Variants in PCDH15 observed in about 807,000 individuals in gnomAD.
PCDH15 encodes the protein protocadherin related 15.
PCDH15 carries 129 observed loss-of-function variants against 178.5 expected under a neutral mutation model. The observed-to-expected ratio is 0.72, with a 90% CI of 0.63 to 0.84. The LOEUF (loss-of-function observed/expected upper bound fraction) is 0.84, where lower values mean the gene tolerates loss of function less well. Ranked by LOEUF, PCDH15 falls within the 40% of genes least tolerant of loss-of-function variation. PCDH15 has a pLI of 0.00. For missense variants in PCDH15, 2,230 were observed against 2,099.9 expected, an observed-to-expected ratio of 1.06 and a Z score of -1.21; for synonymous variants, 800 against 732.0, an observed-to-expected ratio of 1.09 and a Z score of -1.50.
chr10:55,317,543 T>C (rs1843757577), intron 1 of PCDH15, among the ~76,000 whole-genome samples: 3 of 152,054 alleles, frequency 2.0e-5, no homozygotes, highest in African/African-American at 4.8e-5. Flanking sequence ...AATGAACTTA[T>C]TAAGAGTTTT....
chr10:54,453,322 G>T (rs12248040), intron 3 of PCDH15, among the ~76,000 whole-genome samples: 4,054 of 152,214 alleles, frequency 0.027, 181 homozygotes, highest in African/African-American at 0.093. Context: ...ATACTATGCA[G>T]CCATAAAAAT....
rs577730818 is a variant in PCDH15, at chr10:53,973,087, T to C, written c.2869-11195A>G. On this transcript the variant is annotated intron_variant, in intron 21 of 37. Transcript: ENST00000644397. The stretch of plus-strand genomic sequence containing the variant: ...CCGGATTAAGAAAATGTGGCACATA[T>C]ACACCATGGAATACTCTGCAGCCAT... Among the ~76,000 whole-genome samples the C allele has an allele frequency of 3.5e-3, 533 of 152,138 alleles. 1 individual carries two copies. Among genetic ancestry groups the C allele is most frequent in the African/African-American group, 0.012 (517 of 41,524 alleles).
chr10:54,895,822 T>C (rs909430683), intron 3 of PCDH15, among the ~76,000 whole-genome samples: 1 of 152,160 alleles, frequency 6.6e-6, no homozygotes, highest in African/African-American at 2.4e-5. Flanking sequence ...CACGTTAGTC[T>C]ACTTTTCTTT....
At chr10:54,296,366 G>A (rs2059790211) in intron 8 of PCDH15, among the ~76,000 whole-genome samples, 1 of 151,860 alleles carries the variant, frequency 6.6e-6, no homozygotes, top group Non-Finnish European at 1.5e-5. Flanking sequence ...ACAACAAGTT[G>A]GTTGACCCTG....
At chr10:54,026,175 C>A (rs1314437967) in intron 18 of PCDH15, among the ~76,000 whole-genome samples, 1 of 151,380 alleles carries the variant, frequency 6.6e-6, no homozygotes, top group Admixed American at 6.6e-5. Context: ...CTCAAGCAAT[C>A]CTCCCACCTC....
intron 2 of PCDH15, among the ~76,000 whole-genome samples, chr10:55,339,682 A>T (rs1270788559): frequency 3.9e-5 from 6 of 152,146 alleles, no homozygotes; most frequent in Admixed American, 3.9e-4. Context: ...AAGCCATCTT[A>T]CAGAGGGACT....
rs373365331 is a variant in PCDH15, at chr10:53,959,729, T to C, written c.3122+3A>G. ...TATTTCAAAATCGGACAGAAATCAATACCTATATTCCTCCTGTGTGAAGCG... is the reference window on the plus strand; with the variant it reads ...TATTTCAAAATCGGACAGAAATCAACACCTATATTCCTCCTGTGTGAAGCG... On this transcript the variant is annotated splice_donor_region_variant and intron_variant, in intron 23 of 37. Coordinates refer to ENST00000644397, the MANE Select transcript of PCDH15 (RefSeq NM_001384140.1). 70 of 1,602,708 alleles carry C rather than the reference T, an allele frequency of 4.4e-5. No individual in the cohort carries two copies. Among genetic ancestry groups the C allele is most frequent in the Non-Finnish European group, 5.4e-5 (63 of 1,169,808 alleles).
At position 54,232,269 on chromosome 10, in the gene PCDH15, C is replaced by T. The variant is rs369684539; in HGVS notation, c.985+4554G>A. Among the ~76,000 whole-genome samples the T allele has an allele frequency of 3.3e-5, 5 of 152,162 alleles. No individual in the cohort carries two copies. The East Asian group carries it at 7.7e-4, about 24-fold the overall frequency. ...TTAAAAGTGTGTAGTACCACCCCTTCTCTCTCCTGCTCTGGCCACGTAAGA... is the reference window on the plus strand; with the variant it reads ...TTAAAAGTGTGTAGTACCACCCCTTTTCTCTCCTGCTCTGGCCACGTAAGA... On this transcript the variant is annotated intron_variant, in intron 9 of 37. Transcript: ENST00000644397.
At chr10:53,993,667 A>G (rs2091668465) in intron 21 of PCDH15, among the ~76,000 whole-genome samples, 1 of 152,208 alleles carries the variant, frequency 6.6e-6, no homozygotes, top group South Asian at 2.1e-4. Flanking sequence ...AAAAAAAAGT[A>G]ATTATGTAAT....
At chr10:54,702,823 T>A (rs1469310999) in intron 1 of PCDH15, among the ~76,000 whole-genome samples, 1 of 151,996 alleles carries the variant, frequency 6.6e-6, no homozygotes, top group African/African-American at 2.4e-5. Flanking sequence ...TCCAAAAACA[T>A]TGAGAAGGAG....
intron 29 of PCDH15, among the ~76,000 whole-genome samples, chr10:53,839,884 G>A (rs2077536593): frequency 6.6e-6 from 1 of 152,154 alleles, no homozygotes; most frequent in Non-Finnish European, 1.5e-5. Context: ...AAAGAAAAAA[G>A]CAGATATTGA....
At chr10:55,607,929 CAG>C (rs758262078) in intron 2 of PCDH15, among the ~76,000 whole-genome samples, 3 of 150,486 alleles carry the variant, frequency 2.0e-5, no homozygotes, top group Non-Finnish European at 3.0e-5. Flanking sequence ...CACACAGAGA[CAG>C]AGAGAGAGAG....
chr10:54,092,462 T>A (rs2094614790), intron 15 of PCDH15, among the ~76,000 whole-genome samples: 1 of 151,424 alleles, frequency 6.6e-6, no homozygotes, highest in Non-Finnish European at 1.5e-5. Context: ...CCCCATGCCA[T>A]ACACACTAAA....
chr10:53,963,743 T>C (rs2134326167), intron 21 of PCDH15, among the ~76,000 whole-genome samples: 1 of 152,262 alleles, frequency 6.6e-6, no homozygotes, highest in East Asian at 1.9e-4. Flanking sequence ...TCATTGATCC[T>C]TTCTCTTAAG....
At chr10:55,619,594 C>A (rs937100717) in intron 2 of PCDH15, among the ~76,000 whole-genome samples, 1 of 151,850 alleles carries the variant, frequency 6.6e-6, no homozygotes, top group African/African-American at 2.4e-5. Flanking sequence ...TGTAAAGTTA[C>A]GAGAATCAAA....
At chr10:55,578,515 G>A (rs114807267) in intron 2 of PCDH15, among the ~76,000 whole-genome samples, 5 of 152,018 alleles carry the variant, frequency 3.3e-5, no homozygotes, top group African/African-American at 9.7e-5. Context: ...CACTGCGCCC[G>A]GCCTGAAACA....
At chr10:55,540,410 TAA>T (rs1370228582) in intron 2 of PCDH15, among the ~76,000 whole-genome samples, 1 of 151,966 alleles carries the variant, frequency 6.6e-6, no homozygotes, top group African/African-American at 2.4e-5. Flanking sequence ...AAGCAAGTGA[TAA>T]GAGAGGAGAT....
chr10:54,476,158 T>G (rs375522269), intron 3 of PCDH15, among the ~76,000 whole-genome samples: 1 of 151,880 alleles, frequency 6.6e-6, no homozygotes, highest in South Asian at 2.1e-4. Flanking sequence ...CTATTTTCTC[T>G]ACTTAATAAA....
At chr10:53,876,198 GTTT>G (rs66727745) in intron 26 of PCDH15, among the ~76,000 whole-genome samples, 1 of 145,466 alleles carries the variant, frequency 6.9e-6, no homozygotes, top group Non-Finnish European at 1.5e-5. Flanking sequence ...TTGTTTTTTT[GTTT>G]TTTTTTTGAC....
Sources: allele counts gnomAD v4.1 joint callset (sites outside exome capture counted in the v4.1 genomes callset), GRCh38; gene constraint gnomAD v4.1.1; transcripts MANE v1.5; gene names NCBI Gene and HGNC (gene_info 2026-07-23, HGNC 2026-07-21).